The following PDZRN4 variants were observed in gnomAD, a reference collection of about 807,000 sequenced individuals.
The protein encoded by PDZRN4 is PDZ domain containing ring finger 4, also known as PDZ domain-containing RING finger protein 4.
In PDZRN4, 70 loss-of-function variants were observed where a neutral mutation model predicts 99.0. That is an observed-to-expected ratio of 0.71 (90% CI 0.58 to 0.86). The LOEUF is 0.86. Among genes scored for constraint, PDZRN4 ranks in the 40% least tolerant of loss-of-function variants. The pLI, the probability that PDZRN4 is intolerant of heterozygous loss-of-function variation, is 0.00. For synonymous variants in PDZRN4, 551 were observed against 501.6 expected (o/e 1.10, Z -1.32); for missense variants, 1,474 against 1,331.2 (o/e 1.11, Z -1.67).
intron 3 of PDZRN4, among the ~76,000 whole-genome samples, chr12:41,469,950 A>G (rs1468953176): frequency 6.6e-6 from 1 of 151,964 alleles, no homozygotes; most frequent in Non-Finnish European, 1.5e-5. Context: ...AATAAAAAAT[A>G]AAAAAAATAA....
At chr12:41,283,273 A>G (rs1246092320) in intron 3 of PDZRN4, among the ~76,000 whole-genome samples, 1 of 152,220 alleles carries the variant, frequency 6.6e-6, no homozygotes, top group Non-Finnish European at 1.5e-5. Context: ...AAGAATGGAT[A>G]AATTCCTGGA....
intron 3 of PDZRN4, among the ~76,000 whole-genome samples, chr12:41,353,543 G>T (rs1223394612): frequency 6.6e-6 from 1 of 152,100 alleles, no homozygotes; most frequent in Non-Finnish European, 1.5e-5. Context: ...AATGAGACAT[G>T]AATTTGGAGA....
intron 3 of PDZRN4, among the ~76,000 whole-genome samples, chr12:41,440,622 GTC>G (rs1251590068): frequency 6.6e-6 from 1 of 152,132 alleles, no homozygotes; most frequent in East Asian, 1.9e-4. Context: ...GAGATGGAAT[GTC>G]ACCTCAAGAA....
At chr12:41,346,907 G>C (rs1378261884) in intron 3 of PDZRN4, among the ~76,000 whole-genome samples, 1 of 152,082 alleles carries the variant, frequency 6.6e-6, no homozygotes, top group Non-Finnish European at 1.5e-5. Flanking sequence ...ACAGTATATG[G>C]TTGTTTGTGT....
chr12:41,572,836 C>G lies in PDZRN4; in HGVS notation c.2057C>G (p.Ala686Gly), dbSNP rs1411623376. The change falls in exon 10 of 10, where the codon GCT becomes GGT. Residue 686 changes from alanine (A) to glycine (G), a missense_variant. By Grantham distance (60) the Ala-to-Gly change is moderately conservative. Transcript: ENST00000402685. ...CTTGAGTGTCAGAATATCATGCAGG[C>G]TCACAGGCTCCAGAAAGTGACAGAC... The part of the protein sequence containing the change: ...IELECQNIMQ[A>G]HRLQKVTDQY... 1 of 1,614,082 alleles carries G rather than the reference C, an allele frequency of 6.2e-7. No homozygotes were observed. Among genetic ancestry groups the G allele is most frequent in the South Asian group, 1.1e-5 (1 of 91,078 alleles).
intron 3 of PDZRN4, among the ~76,000 whole-genome samples, chr12:41,317,612 C>A (rs980747191): frequency 2.0e-5 from 3 of 151,802 alleles, no homozygotes; most frequent in African/African-American, 4.8e-5. Context: ...AAGAAAGAAA[C>A]CCTGTGGAAA....
intron 3 of PDZRN4, among the ~76,000 whole-genome samples, chr12:41,499,483 A>T (rs1938073200): frequency 1.3e-5 from 2 of 152,154 alleles, no homozygotes; most frequent in South Asian, 4.1e-4. Flanking sequence ...ATTCATATAA[A>T]TATGCACTCT....
At chr12:41,505,634 G>T (rs762016942) in intron 3 of PDZRN4, among the ~76,000 whole-genome samples, 1 of 151,924 alleles carries the variant, frequency 6.6e-6, no homozygotes, top group Admixed American at 6.6e-5. Flanking sequence ...AATGCCAATG[G>T]TTTCTGCCCC....
intron 5 of PDZRN4, among the ~76,000 whole-genome samples, chr12:41,538,012 A>C (rs983798072): frequency 3.3e-5 from 5 of 152,176 alleles, no homozygotes; most frequent in African/African-American, 1.2e-4. Flanking sequence ...CTTGATTCTT[A>C]ATTAATATTT....
At chr12:41,399,956 G>A (rs1952278135) in intron 3 of PDZRN4, among the ~76,000 whole-genome samples, 1 of 151,962 alleles carries the variant, frequency 6.6e-6, no homozygotes, top group Non-Finnish European at 1.5e-5. Flanking sequence ...AAAGGGGGCT[G>A]GGGGGATGGG....
At chr12:41,385,543 C>T (rs1478790180) in intron 3 of PDZRN4, among the ~76,000 whole-genome samples, 1 of 152,150 alleles carries the variant, frequency 6.6e-6, no homozygotes, top group Admixed American at 6.5e-5. Flanking sequence ...TTATAAATGC[C>T]TCTATGCATA....
chr12:41,193,993 A>T, intron 2 of PDZRN4, 88 bp from the exon 3 acceptor site: 2 of 675,176 alleles, frequency 3.0e-6, no homozygotes, highest in East Asian at 5.4e-5. Context: ...TTTACAGAGG[A>T]TTGGTAATGT....
At chr12:41,242,044 T>C (rs542736531) in intron 3 of PDZRN4, among the ~76,000 whole-genome samples, 1 of 152,276 alleles carries the variant, frequency 6.6e-6, no homozygotes, top group African/African-American at 2.4e-5. Context: ...TGCCTGCTCA[T>C]GTTGTTGGCA....
intron 3 of PDZRN4, among the ~76,000 whole-genome samples, chr12:41,327,974 G>A (rs1951720837): frequency 6.6e-6 from 1 of 151,780 alleles, no homozygotes; most frequent in African/African-American, 2.4e-5. Flanking sequence ...GTTTATGCTG[G>A]GACATGGCTG....
At chr12:41,261,204 A>AG (rs767711532) in intron 3 of PDZRN4, among the ~76,000 whole-genome samples, 46 of 152,240 alleles carry the variant, frequency 3.0e-4, no homozygotes, top group Non-Finnish European at 6.6e-4. Context: ...AATTTTTATT[A>AG]GAAAAAAAAA....
At chr12:41,209,906 C>T (rs983945845) in intron 3 of PDZRN4, among the ~76,000 whole-genome samples, 1 of 147,952 alleles carries the variant, frequency 6.8e-6, no homozygotes, top group Admixed American at 6.9e-5. Context: ...GTTCTAGATC[C>T]CTGAGGAATC....
At chr12:41,446,399 G>A (rs1033419848) in intron 3 of PDZRN4, among the ~76,000 whole-genome samples, 3 of 151,694 alleles carry the variant, frequency 2.0e-5, no homozygotes, top group African/African-American at 4.8e-5. Flanking sequence ...AAGAGTATAG[G>A]AACAAAGAGA....
chr12:41,524,626 C>T (rs964951533), intron 5 of PDZRN4, among the ~76,000 whole-genome samples: 1 of 151,980 alleles, frequency 6.6e-6, no homozygotes, highest in Non-Finnish European at 1.5e-5. Context: ...GAATTACAGG[C>T]CCGATAATTC....
In PDZRN4 at chr12:41,188,859, C is replaced by T. The variant is rs539005475; in HGVS notation, c.404C>T (p.Pro135Leu). 13 of 1,243,474 alleles carry T rather than the reference C, an allele frequency of 1.0e-5. No individual in the cohort carries two copies. The highest frequency in any genetic ancestry group is 6.3e-5 in the African/African-American group (4 of 63,238). 77.0% of individuals were successfully genotyped at this position (1,243,474 alleles called of 1,614,324 possible). A position where few individuals can be genotyped will look rare whatever the true frequency, so the allele number is the denominator to read the frequency against. Residue 135 changes from proline (P) to leucine (L), a missense_variant, in exon 1 of 10, where the codon CCG becomes CTG. Physicochemically the swap from Pro to Leu is moderately conservative, Grantham distance 98. Coordinates refer to ENST00000402685, the MANE Select transcript of PDZRN4 (RefSeq NM_001164595.2). ...GEVPARGGCG[P>L]TPRAGRGGGA... The stretch of plus-strand genomic sequence containing the variant: ...GTGCCCGCGCGGGGGGGCTGCGGTC[C>T]GACACCCAGGGCTGGCCGGGGCGGG...
Sources: allele counts gnomAD v4.1 joint callset (sites outside exome capture counted in the v4.1 genomes callset), GRCh38; gene constraint gnomAD v4.1.1; transcripts MANE v1.5; gene names NCBI Gene and HGNC (gene_info 2026-07-23, HGNC 2026-07-21).